C2CD5: variants seen among roughly 807,000 people sequenced by gnomAD.
C2CD5 encodes C2 domain-containing protein 5.
In C2CD5, 109 loss-of-function variants were observed where a neutral mutation model predicts 130.3. The observed-to-expected ratio is 0.84, with a 90% CI of 0.72 to 0.98. C2CD5 has a LOEUF of 0.98. Ranked by LOEUF, C2CD5 falls within the 50% of genes least tolerant of loss-of-function variation. C2CD5 has a pLI of 0.00. For missense variants in C2CD5, 996 were observed against 1,261.8 expected (o/e 0.79, Z 3.19); for synonymous variants, 454 against 429.2 (o/e 1.06, Z -0.71).
rs573803420 is a variant in C2CD5, at chr12:22,507,716, T to C, written c.1039-897A>G. On this transcript the variant is annotated intron_variant, in intron 9 of 26. Transcript: ENST00000446597. The stretch of plus-strand genomic sequence containing the variant: ...ATGTTTGACCTGTCTGGCTGCAAGA[T>C]TAATGTAGCTCACTTAACTGGAATC... 6.2e-4 allele frequency among the ~76,000 whole-genome samples: 94 copies of C among 152,322 alleles called. 1 individual carries two copies. Among genetic ancestry groups the C allele is most frequent in the Non-Finnish European group, 1.2e-3 (85 of 68,024 alleles).
At chr12:22,502,903 C>A in intron 10 of C2CD5, 1 of 664,878 alleles carries the variant, frequency 1.5e-6, no homozygotes, top group Non-Finnish European at 2.7e-6. Context: ...GACAACACCA[C>A]TCGACAGGAA....
chr12:22,450,014 G>T, intron 26 of C2CD5, 123 bp from the exon 27 acceptor site: 1 of 704,264 alleles, frequency 1.4e-6, no homozygotes, highest in Non-Finnish European at 2.2e-6. Context: ...GATAAAGATA[G>T]GCAATCCAAC....
intron 10 of C2CD5, chr12:22,502,647 T>G: frequency 1.5e-6 from 1 of 676,704 alleles, no homozygotes; most frequent in Non-Finnish European, 2.6e-6. Context: ...GAATTGACCT[T>G]AAACCTACTT....
intron 9 of C2CD5, among the ~76,000 whole-genome samples, chr12:22,509,021 C>T (rs909408882): frequency 6.1e-4 from 93 of 151,764 alleles, no homozygotes; most frequent in African/African-American, 1.9e-3. Context: ...GGACTACAGG[C>T]GCCCGCCACC....
intron 18 of C2CD5, 39 bp from the exon 19 acceptor site, chr12:22,472,104 T>G (rs1424426443): frequency 8.4e-7 from 1 of 1,184,880 alleles, no homozygotes; most frequent in Admixed American, 1.9e-5. Context: ...TTTATTATTT[T>G]TAACTAAATA....
At chr12:22,486,389 A>G (rs554072925) in intron 12 of C2CD5, among the ~76,000 whole-genome samples, 4 of 152,234 alleles carry the variant, frequency 2.6e-5, no homozygotes, top group Non-Finnish European at 2.9e-5. Flanking sequence ...TCCTTTCCCC[A>G]TATCAGTGCC....
intron 26 of C2CD5, among the ~76,000 whole-genome samples, chr12:22,451,654 T>G (rs1442366298): frequency 6.6e-6 from 1 of 150,588 alleles, no homozygotes; most frequent in Non-Finnish European, 1.5e-5. Context: ...ACCTACAAAA[T>G]GGAGTTAATA....
chr12:22,457,701 TA>T (rs1940220332), intron 24 of C2CD5, among the ~76,000 whole-genome samples: 1 of 151,944 alleles, frequency 6.6e-6, no homozygotes, highest in South Asian at 2.1e-4. Flanking sequence ...GTTTATAAAG[TA>T]AAAAAATAAT....
intron 7 of C2CD5, among the ~76,000 whole-genome samples, chr12:22,519,702 A>C (rs1255378520): frequency 6.6e-6 from 1 of 152,132 alleles, no homozygotes; most frequent in African/African-American, 2.4e-5. Context: ...TATATTTTCT[A>C]TAAAGAAAGT....
intron 22 of C2CD5, 30 bp from the exon 23 acceptor site, chr12:22,459,572 C>T: frequency 7.0e-7 from 1 of 1,421,982 alleles, no homozygotes; most frequent in Non-Finnish European, 9.6e-7. Flanking sequence ...AACATTAGCT[C>T]AGATGCTAAG....
At chr12:22,497,519 T>G (rs972273293) in intron 10 of C2CD5, 1 of 410,424 alleles carries the variant, frequency 2.4e-6, no homozygotes, top group African/African-American at 2.2e-5. Context: ...CAAATAAAGG[T>G]TAATACAATG....
intron 10 of C2CD5, among the ~76,000 whole-genome samples, chr12:22,496,390 G>A (rs1381692085): frequency 2.6e-5 from 4 of 151,902 alleles, no homozygotes; most frequent in African/African-American, 4.8e-5. Flanking sequence ...GTACAAAATT[G>A]AGGATACTAT....
intron 10 of C2CD5, among the ~76,000 whole-genome samples, chr12:22,499,823 C>A (rs547016067): frequency 6.6e-6 from 1 of 152,348 alleles, no homozygotes; most frequent in South Asian, 2.1e-4. Flanking sequence ...GAAACATAAG[C>A]AGCATGATAA....
intron 9 of C2CD5, among the ~76,000 whole-genome samples, chr12:22,511,773 C>T (rs113529218): frequency 2.0e-5 from 3 of 152,124 alleles, no homozygotes; most frequent in Non-Finnish European, 4.4e-5. Context: ...GTCACAGGCA[C>T]AACATACAAG....
chr12:22,510,707 T>G (rs1405366099), intron 9 of C2CD5, among the ~76,000 whole-genome samples: 1 of 152,212 alleles, frequency 6.6e-6, no homozygotes, highest in East Asian at 1.9e-4. Context: ...ACAGGTATTT[T>G]AAAAGGAAAG....
chr12:22,472,202 A>T (rs1160379729), intron 18 of C2CD5, 84 bp downstream of exon 18: 7 of 391,730 alleles, frequency 1.8e-5, no homozygotes, highest in African/African-American at 5.0e-5. Flanking sequence ...ATAAGGAGGT[A>T]AAAAAAAAAA....
At chr12:22,476,734 T>C (rs1253549708) in intron 15 of C2CD5, among the ~76,000 whole-genome samples, 3 of 152,098 alleles carry the variant, frequency 2.0e-5, no homozygotes, top group African/African-American at 7.2e-5. Flanking sequence ...GAAGAGTCCA[T>C]TCTTCCTGTT....
chr12:22,449,010 T>A lies in C2CD5; in HGVS notation c.*750A>T, dbSNP rs1489079292. ...TTTTTACTACTTTAACAAAATTCACTGACATTTTTATCCCAGTTGAAGTCA... is the reference window on the plus strand; with the variant it reads ...TTTTTACTACTTTAACAAAATTCACAGACATTTTTATCCCAGTTGAAGTCA... On this transcript the variant is annotated 3_prime_UTR_variant, in exon 27 of 27. Coordinates refer to ENST00000446597, the MANE Select transcript of C2CD5 (RefSeq NM_001286176.2). 1 of 152,340 alleles carries A rather than the reference T, an allele frequency of 6.6e-6. No individual in the cohort carries two copies. Among genetic ancestry groups the A allele is most frequent in the East Asian group, 1.9e-4 (1 of 5,200 alleles). 9.4% of individuals were successfully genotyped at this position (152,340 alleles called of 1,614,324 possible).
In C2CD5 at chr12:22,544,349, C is replaced by A. The variant is rs1293534728; in HGVS notation, c.-59G>T. On this transcript the variant is annotated 5_prime_UTR_variant, in exon 1 of 27. Transcript: ENST00000446597. ...GCAGGAGGAAGGGTGCTGTCCCGCG[C>A]GGGTGCTGAGACCTCATTCCGGAGA... 1 of 482,974 alleles carries A rather than the reference C, an allele frequency of 2.1e-6. No individual in the cohort carries two copies. The allele number at this position is 482,974 out of a possible 1,614,324, so 29.9% of individuals were successfully genotyped here.
Sources: allele counts gnomAD v4.1 joint callset (sites outside exome capture counted in the v4.1 genomes callset), GRCh38; gene constraint gnomAD v4.1.1; transcripts MANE v1.5; gene names NCBI Gene and HGNC (gene_info 2026-07-23, HGNC 2026-07-21).